Variants in NRG3 observed in about 807,000 individuals in gnomAD.
The protein encoded by NRG3 is pro-neuregulin-3, membrane-bound isoform.
NRG3 carries 31 observed loss-of-function variants against 66.9 expected under a neutral mutation model. That is an observed-to-expected ratio of 0.46 (90% CI 0.35 to 0.63). The LOEUF is 0.63. NRG3 is among the 20% of genes least tolerant of loss of function. The probability of loss-of-function intolerance (pLI) is 0.00; values close to 1 mark genes in which losing one functional copy is unlikely to be tolerated. For synonymous variants in NRG3, 393 were observed against 359.4 expected (o/e 1.09, Z -1.06); for missense variants, 910 against 878.9 (o/e 1.04, Z -0.45).
intron 1 of NRG3, among the ~76,000 whole-genome samples, chr10:81,960,918 C>A (rs574046139): frequency 6.6e-6 from 1 of 152,160 alleles, no homozygotes; most frequent in African/African-American, 2.4e-5. Context: ...TGCCTCCAAG[C>A]CTATCCTTGT....
chr10:82,199,713 T>G (rs2074669079), intron 1 of NRG3, among the ~76,000 whole-genome samples: 2 of 152,170 alleles, frequency 1.3e-5, no homozygotes, highest in Non-Finnish European at 2.9e-5. Context: ...TTTGGAGCAC[T>G]GCCTATAAAA....
intron 1 of NRG3, among the ~76,000 whole-genome samples, chr10:82,086,664 T>A (rs923017485): frequency 6.6e-6 from 1 of 152,158 alleles, no homozygotes; most frequent in African/African-American, 2.4e-5. Flanking sequence ...TTCTGCTGTT[T>A]GCTGTGGCTT....
At chr10:82,784,629 G>A (rs866934453) in intron 3 of NRG3, among the ~76,000 whole-genome samples, 16 of 152,064 alleles carry the variant, frequency 1.1e-4, no homozygotes, top group Admixed American at 3.3e-4. Flanking sequence ...GGCCATCAGA[G>A]AAATGCAAAT....
At chr10:82,236,005 GAC>G (rs562666772) in intron 1 of NRG3, among the ~76,000 whole-genome samples, 1 of 151,150 alleles carries the variant, frequency 6.6e-6, no homozygotes, top group Non-Finnish European at 1.5e-5. Context: ...CACAGACACA[GAC>G]ACACACACAC....
intron 6 of NRG3, among the ~76,000 whole-genome samples, chr10:82,960,548 G>A (rs1850539813): frequency 6.6e-6 from 1 of 150,670 alleles, no homozygotes; most frequent in African/African-American, 2.4e-5. Flanking sequence ...GAAAATGTCA[G>A]GCTTCTGAGC....
chr10:82,559,104 C>T (rs1565069229), intron 2 of NRG3, among the ~76,000 whole-genome samples: 1 of 152,056 alleles, frequency 6.6e-6, no homozygotes, highest in Non-Finnish European at 1.5e-5. Flanking sequence ...CGTATTATTA[C>T]TCCTTCCTAA....
intron 3 of NRG3, among the ~76,000 whole-genome samples, chr10:82,800,533 A>C (rs912775188): frequency 1.3e-5 from 2 of 152,182 alleles, no homozygotes; most frequent in African/African-American, 4.8e-5. Context: ...AGGGAATGAG[A>C]GTGTGCATAT....
intron 1 of NRG3, among the ~76,000 whole-genome samples, chr10:82,317,058 AG>A (rs1011041450): frequency 2.0e-4 from 30 of 152,174 alleles, no homozygotes; most frequent in Admixed American, 8.5e-4. Context: ...CAAAATTGGA[AG>A]GTTTTCTTCC....
At chr10:82,007,487 G>A (rs934465569) in intron 1 of NRG3, among the ~76,000 whole-genome samples, 2 of 152,124 alleles carry the variant, frequency 1.3e-5, no homozygotes, top group African/African-American at 2.4e-5. Flanking sequence ...GATTACAGGC[G>A]TGAGCCATCA....
intron 1 of NRG3, among the ~76,000 whole-genome samples, chr10:82,018,299 T>C (rs1208117878): frequency 1.3e-5 from 2 of 152,210 alleles, no homozygotes; most frequent in Non-Finnish European, 2.9e-5. Flanking sequence ...TCTACATCTC[T>C]CTTTTGGTAC....
chr10:82,518,176 G>A (rs191728655), intron 2 of NRG3, among the ~76,000 whole-genome samples: 3 of 152,290 alleles, frequency 2.0e-5, no homozygotes, highest in African/African-American at 7.2e-5. Context: ...AGTGTACCTA[G>A]CACATAGGAA....
At chr10:82,365,397 A>G (rs758153188) in intron 2 of NRG3, among the ~76,000 whole-genome samples, 2 of 152,214 alleles carry the variant, frequency 1.3e-5, no homozygotes, top group Non-Finnish European at 2.9e-5. Context: ...AGAAGTGTTC[A>G]TGGGAATGAT....
At chr10:81,955,657 A>G (rs1235075745) in intron 1 of NRG3, among the ~76,000 whole-genome samples, 1 of 152,184 alleles carries the variant, frequency 6.6e-6, no homozygotes, top group Non-Finnish European at 1.5e-5. Flanking sequence ...GAAAGTGAAA[A>G]TCACAGCAAA....
intron 1 of NRG3, among the ~76,000 whole-genome samples, chr10:82,121,226 G>T (rs2068067984): frequency 6.6e-6 from 1 of 152,104 alleles, no homozygotes; most frequent in South Asian, 2.1e-4. Flanking sequence ...CTTGCTCCTG[G>T]TGACATCATA....
chr10:82,814,449 G>T (rs550267506), intron 3 of NRG3, among the ~76,000 whole-genome samples: 1 of 152,118 alleles, frequency 6.6e-6, no homozygotes, highest in African/African-American at 2.4e-5. Context: ...CCCAGAGGCC[G>T]CATGGGGCTT....
At chr10:82,300,580 T>C (rs1333410933) in intron 1 of NRG3, among the ~76,000 whole-genome samples, 3 of 152,158 alleles carry the variant, frequency 2.0e-5, no homozygotes, top group Non-Finnish European at 4.4e-5. Context: ...GAGACACCTA[T>C]TGGGGAGTTA....
intron 2 of NRG3, among the ~76,000 whole-genome samples, chr10:82,409,449 G>A (rs1172841062): frequency 6.6e-6 from 1 of 151,738 alleles, no homozygotes; most frequent in Non-Finnish European, 1.5e-5. Context: ...GGGAACCCAT[G>A]CCCGGATAAA....
chr10:82,064,230 A>C (rs1053629038), intron 1 of NRG3, among the ~76,000 whole-genome samples: 1 of 152,210 alleles, frequency 6.6e-6, no homozygotes, highest in African/African-American at 2.4e-5. Flanking sequence ...TCCTGAGATC[A>C]CAGGAAATTC....
At chr10:82,495,035 G>A (rs1843490391) in intron 2 of NRG3, among the ~76,000 whole-genome samples, 1 of 150,112 alleles carries the variant, frequency 6.7e-6, no homozygotes, top group Non-Finnish European at 1.5e-5. Context: ...CCACCTCCCG[G>A]GTTCAAGCAA....
Sources: allele counts gnomAD v4.1 joint callset (sites outside exome capture counted in the v4.1 genomes callset), GRCh38; gene constraint gnomAD v4.1.1; transcripts MANE v1.5; gene names NCBI Gene and HGNC (gene_info 2026-07-23, HGNC 2026-07-21).